Variants in SLC8A2 observed in about 807,000 individuals in gnomAD.
The protein encoded by SLC8A2 is solute carrier family 8 member A2.
Under a neutral mutation model 70.2 loss-of-function variants are expected in SLC8A2, and 14 were observed. The observed-to-expected ratio is 0.20, with a 90% confidence interval of 0.13 to 0.31. The LOEUF (loss-of-function observed/expected upper bound fraction) is 0.31, where lower values mean the gene tolerates loss of function less well. Ranked by LOEUF, SLC8A2 falls within the 10% of genes least tolerant of loss-of-function variation. The probability of loss-of-function intolerance (pLI) is 1.00; values close to 1 mark genes in which losing one functional copy is unlikely to be tolerated. For missense variants in SLC8A2, 779 were observed against 1,320.1 expected (o/e 0.59, Z 6.35); for synonymous variants, 575 against 594.3 (o/e 0.97, Z 0.47).
At position 47,432,099 on chromosome 19, in the gene SLC8A2, A is replaced by G; in HGVS notation, c.2389+68T>C. On this transcript the variant is annotated intron_variant, in intron 9 of 9. Transcript: ENST00000236877. This position sits in a 1 kb window ranked among gnomAD's most constrained non-coding sequence, Gnocchi z 6.2. ...GTGACTCCACCCACCTCATTTTGGC[A>G]GGATCCTGTGTTGCCCCTGCCTGGC... 1 of 1,439,166 alleles carries G rather than the reference A, an allele frequency of 6.9e-7. No individual in the cohort carries two copies. The highest frequency in any genetic ancestry group is 9.5e-7 in the Non-Finnish European group (1 of 1,058,112). The allele number at this position is 1,439,166 out of a possible 1,614,324, so 89.1% of individuals were successfully genotyped here.
At chr19:47,454,162 C>T (rs1282774896) in intron 3 of SLC8A2, among the ~76,000 whole-genome samples, 1 of 152,014 alleles carries the variant, frequency 6.6e-6, no homozygotes, top group South Asian at 2.1e-4. Context: ...CAATAAAAAA[C>T]AATCTTGGTC....
Position 47,430,971 on chromosome 19 carries a change from G to A in SLC8A2, c.2390-506C>T, listed in dbSNP as rs892152632. Among the ~76,000 whole-genome samples the A allele has an allele frequency of 9.3e-5, 14 of 150,958 alleles. No individual in the cohort carries two copies. The highest frequency in any genetic ancestry group is 3.2e-4 in the African/African-American group (13 of 40,950). On this transcript the variant is annotated intron_variant, in intron 9 of 9. Coordinates refer to ENST00000236877, the MANE Select transcript of SLC8A2 (RefSeq NM_015063.3). The surrounding 1 kb of genome is among the most constrained non-coding windows in gnomAD (Gnocchi z 5.9). The stretch of plus-strand genomic sequence containing the variant: ...ACTCCTGATCTGAGGTGATCCACTC[G>A]CCTCGGTCTCCCAAAGTGCTGGGAT...
chr19:47,440,766 T>C (rs1450462556), intron 6 of SLC8A2, among the ~76,000 whole-genome samples: 2 of 152,126 alleles, frequency 1.3e-5, no homozygotes, highest in African/African-American at 4.8e-5. Context: ...TAATTTTGTA[T>C]TTTTAATAGA....
chr19:47,466,933 T>C lies in SLC8A2; in HGVS notation c.-16-514A>G, dbSNP rs76587054. On this transcript the variant is annotated intron_variant, in intron 1 of 9. Coordinates refer to ENST00000236877, the MANE Select transcript of SLC8A2 (RefSeq NM_015063.3). The surrounding 1 kb of genome is among the most constrained non-coding windows in gnomAD (Gnocchi z 6.9). ...TTAGCTGGGCAGGGTGGCGGGAGCC[T>C]GTAACCCCAGCTACTCGGGAGGCTG... 6.4e-3 allele frequency among the ~76,000 whole-genome samples: 970 copies of C among 152,188 alleles called. 8 individuals are homozygous for C. The highest frequency in any genetic ancestry group is 0.023 in the African/African-American group (938 of 41,514).
chr19:47,454,622 G>A (rs1167038364), intron 3 of SLC8A2, among the ~76,000 whole-genome samples: 2 of 152,120 alleles, frequency 1.3e-5, no homozygotes, highest in African/African-American at 4.8e-5. Context: ...GGTGGGCAGG[G>A]TAGGAAAGGT....
intron 4 of SLC8A2, among the ~76,000 whole-genome samples, chr19:47,445,298 G>A (rs1967147270): frequency 6.6e-6 from 1 of 152,192 alleles, no homozygotes; most frequent in African/African-American, 2.4e-5. Flanking sequence ...TAGTAGAGAC[G>A]GGGTTTCATC....
At chr19:47,459,091 C>CT (rs1967355682) in intron 2 of SLC8A2, among the ~76,000 whole-genome samples, 1 of 151,234 alleles carries the variant, frequency 6.6e-6, no homozygotes, top group Non-Finnish European at 1.5e-5. Context: ...CTGTTCACCT[C>CT]TGCCTCTCCC....
chr19:47,459,265 T>C (rs1396482859), intron 2 of SLC8A2, among the ~76,000 whole-genome samples: 4 of 152,132 alleles, frequency 2.6e-5, no homozygotes, highest in African/African-American at 9.7e-5. Context: ...CGTGTGCTGC[T>C]GTCTCTTTCC....
intron 6 of SLC8A2, among the ~76,000 whole-genome samples, chr19:47,439,707 A>G (rs1326311641): frequency 6.8e-6 from 1 of 146,998 alleles, no homozygotes; most frequent in Non-Finnish European, 1.5e-5. Flanking sequence ...TCTGTCACCC[A>G]GGCTGGAGTG....
Position 47,466,371 on chromosome 19 carries a change from G to A in SLC8A2, c.33C>T (p.Leu11=), listed in dbSNP as rs999743865. 26 of 1,439,416 alleles carry A rather than the reference G, an allele frequency of 1.8e-5. No individual in the cohort carries two copies. Among genetic ancestry groups the A allele is most frequent in the Admixed American group, 1.1e-4 (4 of 36,902 alleles). The allele number at this position is 1,439,416 out of a possible 1,614,324, so 89.2% of individuals were successfully genotyped here. ...CGGAGCATGGGGGAGCCGCCAGGAG[G>A]AGTGTGACCCCCACCAAGGCCAGGG... MAPLALVGVT[L]LLAAPPCSGA... is the part of the protein sequence containing the mutation. Residue 11 remains leucine (L), a synonymous_variant, in exon 2 of 10, where the codon CTC becomes CTT. Transcript: ENST00000236877. This position sits in a 1 kb window ranked among gnomAD's most constrained non-coding sequence, Gnocchi z 6.9.
chr19:47,452,396 TGGAGAGAGAGAGAGAGAGAG>T (rs1967246484), intron 3 of SLC8A2, among the ~76,000 whole-genome samples: 1 of 76,122 alleles, frequency 1.3e-5, no homozygotes, highest in African/African-American at 5.4e-5. Context: ...TATATATATA[TGGAGAGAGAGAGAGAGAGAG>T]AGAGAGAGAG....
In SLC8A2 at chr19:47,451,796, C is replaced by T. The variant is rs144221355; in HGVS notation, c.1341-3565G>A. ...GTGCAGGACTCCAATCATCAGGAAG[C>T]ATTAGACAAACCCAGATTGAGAATC... On this transcript the variant is annotated intron_variant, in intron 3 of 9. Transcript: ENST00000236877. Among the ~76,000 whole-genome samples, 436 of 152,306 alleles carry T rather than the reference C, an allele frequency of 2.9e-3. 5 individuals carry two copies. The highest frequency in any genetic ancestry group is 0.01 in the African/African-American group (417 of 41,556).
intron 9 of SLC8A2, among the ~76,000 whole-genome samples, chr19:47,431,231 G>A (rs1340207829): frequency 1.3e-5 from 2 of 152,136 alleles, no homozygotes; most frequent in East Asian, 1.9e-4. Flanking sequence ...GTTTCACCAT[G>A]TTGCCCAGGC....
intron 2 of SLC8A2, among the ~76,000 whole-genome samples, chr19:47,463,827 T>C (rs1417047011): frequency 1.3e-5 from 2 of 152,188 alleles, no homozygotes; most frequent in Non-Finnish European, 2.9e-5. Context: ...ATTTTAAGTC[T>C]TTCCACACGG....
At chr19:47,459,389 G>A (rs1347285632) in intron 2 of SLC8A2, among the ~76,000 whole-genome samples, 1 of 151,366 alleles carries the variant, frequency 6.6e-6, no homozygotes, top group Non-Finnish European at 1.5e-5. Flanking sequence ...TCCTTCTTTT[G>A]TATCTATTGG....
At chr19:47,462,995 C>T (rs1967414504) in intron 2 of SLC8A2, among the ~76,000 whole-genome samples, 1 of 152,154 alleles carries the variant, frequency 6.6e-6, no homozygotes, top group Non-Finnish European at 1.5e-5. Flanking sequence ...TTCTTGCATG[C>T]AATGGTTTCT....
At chr19:47,459,436 CTT>C (rs1967360690) in intron 2 of SLC8A2, among the ~76,000 whole-genome samples, 1 of 152,056 alleles carries the variant, frequency 6.6e-6, no homozygotes. Flanking sequence ...GTTTCTTTCT[CTT>C]TCTCAGTATC....
At chr19:47,453,550 G>T (rs1382673342) in intron 3 of SLC8A2, among the ~76,000 whole-genome samples, 1 of 152,186 alleles carries the variant, frequency 6.6e-6, no homozygotes, top group Non-Finnish European at 1.5e-5. Flanking sequence ...GGAAGATGTT[G>T]ACTCTTCTTA....
intron 1 of SLC8A2, among the ~76,000 whole-genome samples, chr19:47,467,220 A>C (rs1205611388): frequency 1.3e-5 from 2 of 152,262 alleles, no homozygotes; most frequent in Admixed American, 6.5e-5. Context: ...TGCTGCACCC[A>C]GCACATGGAT....
Sources: allele counts gnomAD v4.1 joint callset (sites outside exome capture counted in the v4.1 genomes callset), GRCh38; gene constraint gnomAD v4.1.1; non-coding constraint Gnocchi (gnomAD v3.1); transcripts MANE v1.5; gene names NCBI Gene and HGNC (gene_info 2026-07-23, HGNC 2026-07-21).